The following IDE variants were observed in gnomAD, a reference collection of about 807,000 sequenced individuals.
IDE encodes the protein insulin degrading enzyme, also known as insulin-degrading enzyme.
IDE carries 58 observed loss-of-function variants against 133.2 expected under a neutral mutation model. The ratio of observed to expected loss-of-function variants is 0.44; its 90% CI spans 0.35 to 0.54. The LOEUF (loss-of-function observed/expected upper bound fraction) is 0.54. Ranked by LOEUF, IDE falls within the 20% of genes least tolerant of loss-of-function variation. The pLI, the probability that IDE is intolerant of heterozygous loss-of-function variation, is 0.00. For synonymous variants in IDE, 396 were observed against 421.3 expected, an observed-to-expected ratio of 0.94 and a Z score of 0.73; for missense variants, 981 against 1,234.0, an observed-to-expected ratio of 0.79 and a Z score of 3.07.
intron 1 of IDE, among the ~76,000 whole-genome samples, chr10:92,542,248 G>A (rs148816677): frequency 3.3e-4 from 50 of 152,164 alleles, no homozygotes; most frequent in African/African-American, 1.1e-3. Context: ...TCAACATCCC[G>A]GGCTCAGGTG....
chr10:92,566,514 G>T (rs1843559834), intron 1 of IDE, among the ~76,000 whole-genome samples: 1 of 151,896 alleles, frequency 6.6e-6, no homozygotes. Context: ...GGCACAGAAT[G>T]ACAGACATCA....
chr10:92,541,795 C>T (rs1278850808), intron 1 of IDE, among the ~76,000 whole-genome samples: 3 of 152,164 alleles, frequency 2.0e-5, no homozygotes, highest in Non-Finnish European at 4.4e-5. Flanking sequence ...ACTGGCTACA[C>T]TGGCTTCTCC....
Position 92,461,223 on chromosome 10 carries a change from G to T in IDE, c.2791C>A (p.Leu931Ile). 1 of 1,462,290 alleles carries T rather than the reference G, an allele frequency of 6.8e-7. No homozygotes were observed. Among genetic ancestry groups the T allele is most frequent in the Non-Finnish European group, 9.6e-7 (1 of 1,043,006 alleles). 90.6% of individuals were successfully genotyped at this position (1,462,290 alleles called of 1,614,324 possible). The change falls in exon 22 of 25, where the codon CTT becomes ATT. Residue 931 changes from leucine (L) to isoleucine (I), a missense_variant. Coordinates refer to ENST00000265986, the MANE Select transcript of IDE (RefSeq NM_004969.4). ...AATTTGATGATATCTTCCTTGGTAA[G>T]TGTCTTTAAATATGCAACCTCAGTG... The part of the protein sequence containing the change: ...DNTEVAYLKT[L>I]TKEDIIKFYK...
chr10:92,566,991 G>C (rs1179058792), intron 1 of IDE, among the ~76,000 whole-genome samples: 1 of 152,168 alleles, frequency 6.6e-6, no homozygotes, highest in Admixed American at 6.5e-5. Context: ...AACCCCAGTA[G>C]TAGGTCAGTA....
intron 19 of IDE, among the ~76,000 whole-genome samples, chr10:92,467,762 C>CT (rs1176688801): frequency 6.6e-6 from 1 of 152,132 alleles, no homozygotes; most frequent in Non-Finnish European, 1.5e-5. Context: ...GTTTTAGTGA[C>CT]TGAGGAATAA....
chr10:92,573,989 G>T lies in IDE; in HGVS notation c.31C>A (p.Pro11Thr). The T allele has an allele frequency of 6.6e-7, 1 of 1,510,042 alleles. No homozygotes were observed. Among genetic ancestry groups the T allele is most frequent in the African/African-American group, 1.4e-5 (1 of 69,344 alleles). 93.5% of individuals were successfully genotyped at this position (1,510,042 alleles called of 1,614,324 possible). The stretch of plus-strand genomic sequence containing the variant: ...GAGCGGAAGGTGCTGGGCAGTGCGG[G>T]GTGCAGAAGCCACGCTAGCCGGTAC... The part of the protein sequence containing the change: MRYRLAWLLH[P>T]ALPSTFRSVL... The change falls in exon 1 of 25, where the codon CCC becomes ACC. Residue 11 changes from proline (P) to threonine (T), a missense_variant. Physicochemically the swap from Pro to Thr is conservative, Grantham distance 38 (BLOSUM62 -1). Transcript: ENST00000265986.
chr10:92,454,375 G>T lies in IDE; in HGVS notation c.*69C>A. The T allele has an allele frequency of 1.9e-6, 2 of 1,063,144 alleles. No homozygotes were observed. The highest frequency in any genetic ancestry group is 2.5e-5 in the South Asian group (2 of 78,990). 65.9% of individuals were successfully genotyped at this position (1,063,144 alleles called of 1,614,324 possible). On this transcript the variant is annotated 3_prime_UTR_variant, in exon 25 of 25. Transcript: ENST00000265986. ...AATCAGAAACTATTAAAGTGGCCAA[G>T]ATGATTTTCTTAGGCTCTGGAAGAC...
chr10:92,498,265 G>T (rs1847822988), intron 11 of IDE, among the ~76,000 whole-genome samples: 1 of 152,168 alleles, frequency 6.6e-6, no homozygotes, highest in Non-Finnish European at 1.5e-5. Context: ...ATGTATCCAA[G>T]ATCTCATGAC....
At chr10:92,467,364 C>T (rs1213437179) in intron 19 of IDE, among the ~76,000 whole-genome samples, 1 of 152,210 alleles carries the variant, frequency 6.6e-6, no homozygotes, top group African/African-American at 2.4e-5. Flanking sequence ...TGAGCCACCA[C>T]CCAGGCCTGA....
At chr10:92,524,430 ATTTT>A (rs1849453786) in intron 4 of IDE, among the ~76,000 whole-genome samples, 1 of 64,260 alleles carries the variant, frequency 1.6e-5, no homozygotes, top group Non-Finnish European at 2.8e-5. Flanking sequence ...TATATAATAT[ATTTT>A]ATATAATATA....
rs575658315 is a variant in IDE, at chr10:92,508,593, A to C, written c.1060+135T>G. ...AAAAAAAAGGCAACAGCGTGCCAACAACCACCATCTCACTCACTAACCCAA... is the reference window on the plus strand; with the variant it reads ...AAAAAAAAGGCAACAGCGTGCCAACCACCACCATCTCACTCACTAACCCAA... On this transcript the variant is annotated intron_variant, in intron 7 of 24. Transcript: ENST00000265986. 100 of 683,680 alleles carry C rather than the reference A, an allele frequency of 1.5e-4. 1 individual carries two copies. The highest frequency in any genetic ancestry group is 8.9e-5 in the Non-Finnish European group (37 of 415,888). The allele number at this position is 683,680 out of a possible 1,614,324, so 42.4% of individuals were successfully genotyped here.
intron 7 of IDE, 115 bp from the exon 8 acceptor site, chr10:92,508,320 G>T: frequency 1.2e-6 from 1 of 811,838 alleles, no homozygotes; most frequent in Non-Finnish European, 2.0e-6. Context: ...TGAACCTCTT[G>T]CGAAAAGATT....
chr10:92,454,386 T>G lies in IDE; in HGVS notation c.*58A>C. 8.6e-7 allele frequency: 1 copy of G among 1,167,552 alleles called. No individual in the cohort carries two copies. The highest frequency in any genetic ancestry group is 1.2e-5 in the South Asian group (1 of 81,710). The allele number at this position is 1,167,552 out of a possible 1,614,324, so 72.3% of individuals were successfully genotyped here. A position where few individuals can be genotyped will look rare whatever the true frequency, so the allele number is the denominator to read the frequency against. On this transcript the variant is annotated 3_prime_UTR_variant, in exon 25 of 25. Coordinates refer to ENST00000265986, the MANE Select transcript of IDE (RefSeq NM_004969.4). ...ATTAAAGTGGCCAAGATGATTTTCT[T>G]AGGCTCTGGAAGACTCAGGAATGCA...
chr10:92,456,090 T>C (rs1401685460), intron 23 of IDE, among the ~76,000 whole-genome samples: 2 of 152,186 alleles, frequency 1.3e-5, no homozygotes, highest in Non-Finnish European at 1.5e-5. Flanking sequence ...CCACATGCAG[T>C]GGTTCATGCA....
intron 14 of IDE, among the ~76,000 whole-genome samples, chr10:92,482,766 T>C (rs1846691906): frequency 1.3e-5 from 2 of 151,832 alleles, no homozygotes; most frequent in South Asian, 4.2e-4. Context: ...ACAACACTGG[T>C]TTTTAAAATA....
chr10:92,572,799 C>T, intron 1 of IDE: 1 of 725,592 alleles, frequency 1.4e-6, no homozygotes. Flanking sequence ...GGATTACGCC[C>T]ACGCCAGCCC....
intron 12 of IDE, among the ~76,000 whole-genome samples, chr10:92,488,272 T>C (rs1847120606): frequency 6.6e-6 from 1 of 152,104 alleles, no homozygotes; most frequent in Admixed American, 6.6e-5. Context: ...ACTCAGCTAA[T>C]TTCTGTATTT....
chr10:92,562,554 G>A (rs1017809487), intron 1 of IDE, among the ~76,000 whole-genome samples: 50 of 152,198 alleles, frequency 3.3e-4, no homozygotes, highest in Non-Finnish European at 5.3e-4. Flanking sequence ...CTGGATGGCA[G>A]TTTAAAGTAG....
intron 3 of IDE, among the ~76,000 whole-genome samples, chr10:92,532,545 G>A (rs1270398614): frequency 6.6e-6 from 1 of 152,144 alleles, no homozygotes; most frequent in Non-Finnish European, 1.5e-5. Flanking sequence ...AAGAGAAAAA[G>A]TCCATAAAAT....
Sources: allele counts gnomAD v4.1 joint callset (sites outside exome capture counted in the v4.1 genomes callset), GRCh38; gene constraint gnomAD v4.1.1; transcripts MANE v1.5; gene names NCBI Gene and HGNC (gene_info 2026-07-23, HGNC 2026-07-21).